The following LRP1B variants were observed in gnomAD, a reference collection of about 807,000 sequenced individuals.
LRP1B encodes the protein LDL receptor related protein 1B.
LRP1B carries 217 observed loss-of-function variants against 556.6 expected under a neutral mutation model. The ratio of observed to expected loss-of-function variants is 0.39; its 90% CI spans 0.35 to 0.44. The LOEUF is 0.44. Among genes scored for constraint, LRP1B ranks in the 20% least tolerant of loss-of-function variants. LRP1B has a pLI of 1.00. For synonymous variants in LRP1B, 2,047 were observed against 1,865.8 expected (o/e 1.10, Z -2.50); for missense variants, 5,053 against 5,620.8 (o/e 0.90, Z 3.23).
At chr2:141,061,981 A>T (rs1462415108) in intron 8 of LRP1B, 70 bp downstream of exon 8, 17 of 1,197,890 alleles carry the variant, frequency 1.4e-5, no homozygotes, top group Admixed American at 6.9e-5. Flanking sequence ...AATTTTCAGT[A>T]TTGCAAATTT....
intron 3 of LRP1B, among the ~76,000 whole-genome samples, chr2:141,458,617 T>C (rs1281168786): frequency 1.3e-5 from 2 of 151,848 alleles, no homozygotes; most frequent in Admixed American, 1.3e-4. Flanking sequence ...GGAGAAAGTA[T>C]CTAATAGCAT....
At chr2:141,114,911 T>C (rs912973929) in intron 7 of LRP1B, among the ~76,000 whole-genome samples, 2 of 152,012 alleles carry the variant, frequency 1.3e-5, no homozygotes, top group Non-Finnish European at 2.9e-5. Flanking sequence ...ATCAGGGGCA[T>C]GCCAAAGCTC....
chr2:140,509,963 G>A lies in LRP1B; in HGVS notation c.8363C>T (p.Pro2788Leu), dbSNP rs2104917015. The change falls in exon 52 of 91, where the codon CCA (proline) becomes CTA (leucine). Residue 2788 changes from proline (P) to leucine (L), a missense_variant. Around this residue, in one of 5 missense-constraint regions of LRP1B, gnomAD observed 3,619 missense variants for 3,931.9 expected, o/e 0.92. Transcript: ENST00000389484. Reference protein sequence around the residue: ...HWLCDGERDCPDGSDELSTAG... With the variant: ...HWLCDGERDCLDGSDELSTAG... Reference sequence around the variant, plus strand: ...TGTGGAAAGCTCATCGCTTCCATCTGGACAGTCCCTTTCACCATCACAAAG... The same window carrying A: ...TGTGGAAAGCTCATCGCTTCCATCTAGACAGTCCCTTTCACCATCACAAAG... The A allele has an allele frequency of 1.2e-6, 2 of 1,613,962 alleles. No homozygotes were observed. Among genetic ancestry groups the A allele is most frequent in the Non-Finnish European group, 1.7e-6 (2 of 1,180,010 alleles).
chr2:141,108,152 G>A (rs9287307), intron 7 of LRP1B, among the ~76,000 whole-genome samples: 54,612 of 151,624 alleles, frequency 0.36, 10,321 homozygotes, highest in East Asian at 0.66. Flanking sequence ...CAAGAAGTCC[G>A]TGTCATTAAA....
intron 29 of LRP1B, among the ~76,000 whole-genome samples, chr2:140,847,354 A>C (rs1281117327): frequency 6.6e-6 from 1 of 152,180 alleles, no homozygotes; most frequent in Non-Finnish European, 1.5e-5. Flanking sequence ...TTATCTTATA[A>C]AGGTTGACAT....
rs79027834 is a variant in LRP1B at position 141,534,870 on chromosome 2, G to A, written c.206-54337C>T. Among the ~76,000 whole-genome samples, 1,039 of 152,256 alleles carry A rather than the reference G, an allele frequency of 6.8e-3. 21 individuals carry two copies. Among genetic ancestry groups the A allele is most frequent in the African/African-American group, 0.023 (948 of 41,546 alleles). Reference sequence around the variant, plus strand: ...GAAAGAAAATCTATGACCTCAGGGAGAGAATGTACTTTCAAATGTGTCTGT... The same window carrying A: ...GAAAGAAAATCTATGACCTCAGGGAAAGAATGTACTTTCAAATGTGTCTGT... On this transcript the variant is annotated intron_variant, in intron 2 of 90. Transcript: ENST00000389484.
intron 22 of LRP1B, 97 bp from the exon 23 acceptor site, chr2:140,903,262 A>G (rs952262935): frequency 1.3e-5 from 18 of 1,375,304 alleles, no homozygotes; most frequent in Non-Finnish European, 1.8e-5. Flanking sequence ...ACAATTAGCC[A>G]GGATACTACA....
chr2:141,284,172 T>G (rs990194161), intron 3 of LRP1B, among the ~76,000 whole-genome samples: 2 of 152,018 alleles, frequency 1.3e-5, no homozygotes, highest in Non-Finnish European at 2.9e-5. Context: ...AGCAGTGCAA[T>G]AAAAAAGAAG....
At chr2:141,142,197 C>T (rs1701669603) in intron 7 of LRP1B, among the ~76,000 whole-genome samples, 1 of 152,198 alleles carries the variant, frequency 6.6e-6, no homozygotes, top group South Asian at 2.1e-4. Context: ...GACACCTTCT[C>T]ACCAGATGCT....
chr2:140,541,209 T>C (rs573001889), intron 44 of LRP1B, 111 bp from the exon 45 acceptor site: 29 of 915,340 alleles, frequency 3.2e-5, no homozygotes, highest in Admixed American at 5.4e-5. Context: ...TAATATGTCA[T>C]TAAAAAGGAA....
At chr2:141,037,367 AAAAT>A in intron 11 of LRP1B, among the ~76,000 whole-genome samples, 1 of 152,090 alleles carries the variant, frequency 6.6e-6, no homozygotes. Context: ...GTGAACCTCT[AAAAT>A]AGGAAGGAGA....
At chr2:141,792,198 C>T (rs2105664453) in intron 2 of LRP1B, among the ~76,000 whole-genome samples, 1 of 151,888 alleles carries the variant, frequency 6.6e-6, no homozygotes, top group South Asian at 2.1e-4. Flanking sequence ...GTAGGGAAGG[C>T]TTCTGTCAAT....
chr2:141,150,482 T>G (rs1701893675), intron 7 of LRP1B, among the ~76,000 whole-genome samples: 1 of 152,230 alleles, frequency 6.6e-6, no homozygotes, highest in Admixed American at 6.5e-5. Context: ...TTAATCAACT[T>G]TGTCCATCTA....
At chr2:141,281,270 A>G (rs1685499092) in intron 3 of LRP1B, among the ~76,000 whole-genome samples, 1 of 151,972 alleles carries the variant, frequency 6.6e-6, no homozygotes, top group Non-Finnish European at 1.5e-5. Context: ...ATGTCTTTTT[A>G]TTAGTTTTAC....
Position 140,700,439 on chromosome 2 carries a change from C to T in LRP1B, c.6610G>A (p.Asp2204Asn), listed in dbSNP as rs2105420827. Reference sequence around the variant, plus strand: ...ATTGGGGAATTTAAATTGGTTTCATCAGAAAGATGTATACTTTTTAATATT... The same window carrying T: ...ATTGGGGAATTTAAATTGGTTTCATTAGAAAGATGTATACTTTTTAATATT... ...RTILKSIHLS[D>N]ETNLNSPIRP... is the part of the protein sequence containing the mutation. Residue 2204 changes from aspartate (D) to asparagine (N), a missense_variant, in exon 41 of 91, where the codon GAT (aspartate) becomes AAT (asparagine). This residue lies in a region of LRP1B where 3,619 missense variants were observed against 3,931.9 expected (regional missense o/e 0.92). Coordinates refer to ENST00000389484, the MANE Select transcript of LRP1B (RefSeq NM_018557.3). 6.2e-7 allele frequency: 1 copy of T among 1,613,318 alleles called. No individual in the cohort carries two copies. The highest frequency in any genetic ancestry group is 1.7e-4 in the Middle Eastern group (1 of 6,060).
At chr2:140,976,967 A>G (rs1696619623) in intron 18 of LRP1B, among the ~76,000 whole-genome samples, 3 of 152,234 alleles carry the variant, frequency 2.0e-5, no homozygotes, top group African/African-American at 7.2e-5. Context: ...CAAGCCAAAG[A>G]TTGTTAAAGT....
intron 66 of LRP1B, among the ~76,000 whole-genome samples, chr2:140,410,934 T>C (rs1193004652): frequency 1.3e-5 from 2 of 151,894 alleles, no homozygotes; most frequent in African/African-American, 2.4e-5. Flanking sequence ...AAGGGGGAGG[T>C]GAAAGGAAAT....
chr2:141,195,776 C>A (rs16845587), intron 6 of LRP1B, among the ~76,000 whole-genome samples: 1 of 152,026 alleles, frequency 6.6e-6, no homozygotes, highest in Non-Finnish European at 1.5e-5. Flanking sequence ...GGGACACAAC[C>A]AAGGCCTGGA....
intron 32 of LRP1B, among the ~76,000 whole-genome samples, chr2:140,790,940 ATTTT>A (rs201743296): frequency 3.5e-5 from 5 of 143,262 alleles, no homozygotes; most frequent in Non-Finnish European, 6.1e-5. Context: ...GTCTCTACAA[ATTTT>A]TTTTTTTTTT....
Sources: allele counts gnomAD v4.1 joint callset (sites outside exome capture counted in the v4.1 genomes callset), GRCh38; gene constraint gnomAD v4.1.1; regional missense constraint gnomAD v4.1.1; transcripts MANE v1.5; gene names NCBI Gene and HGNC (gene_info 2026-07-23, HGNC 2026-07-21).